Variants in LUZP2 observed in about 807,000 individuals in gnomAD.
LUZP2 encodes the protein leucine zipper protein 2.
In LUZP2, 52 loss-of-function variants were observed where a neutral mutation model predicts 51.6. The observed-to-expected ratio is 1.01, with a 90% confidence interval of 0.81 to 1.27. LUZP2 has a LOEUF of 1.27. Among genes scored for constraint, LUZP2 ranks in the 50% most tolerant of loss-of-function variants. The pLI, the probability that LUZP2 is intolerant of heterozygous loss-of-function variation, is 0.00. For synonymous variants in LUZP2, 154 were observed against 137.3 expected (o/e 1.12, Z -0.85); for missense variants, 436 against 395.4 (o/e 1.10, Z -0.87).
chr11:24,562,006 G>A (rs11028016), intron 1 of LUZP2, among the ~76,000 whole-genome samples: 23,299 of 151,874 alleles, frequency 0.15, 1,960 homozygotes, highest in African/African-American at 0.21. Context: ...TTTGAATTAT[G>A]TGTGGCTGGA....
chr11:24,990,844 A>G (rs1283114628), intron 9 of LUZP2, among the ~76,000 whole-genome samples: 1 of 151,888 alleles, frequency 6.6e-6, no homozygotes, highest in Non-Finnish European at 1.5e-5. Flanking sequence ...CCCAACAACC[A>G]TCACTCATAA....
Position 25,078,638 on chromosome 11 carries a change from A to G in LUZP2, c.1021A>G (p.Arg341Gly). 1 of 1,607,900 alleles carries G rather than the reference A, an allele frequency of 6.2e-7. No individual in the cohort carries two copies. Among genetic ancestry groups the G allele is most frequent in the Non-Finnish European group, 8.5e-7 (1 of 1,178,434 alleles). ...PLTSFEGMAAREEKIL is the reference protein window; with the variant it reads ...PLTSFEGMAAGEEKIL ...GACCAGCTTTGAAGGGATGGCAGCT[A>G]GAGAAGAAAAAATACTGTAAATACT... The change falls in exon 12 of 12, where the codon AGA (arginine) becomes GGA (glycine). Residue 341 changes from arginine to glycine, a missense_variant. Arg to Gly is a moderately radical substitution (Grantham distance 125). Coordinates refer to ENST00000336930, the MANE Select transcript of LUZP2 (RefSeq NM_001009909.4).
chr11:24,681,034 T>G lies in LUZP2; in HGVS notation c.63-48135T>G, dbSNP rs186035934. Among the ~76,000 whole-genome samples, 1,011 of 151,052 alleles carry G rather than the reference T, an allele frequency of 6.7e-3. 3 individuals carry two copies. Among genetic ancestry groups the G allele is most frequent in the Non-Finnish European group, 0.011 (770 of 67,830 alleles). On this transcript the variant is annotated intron_variant, in intron 1 of 11. Transcript: ENST00000336930. ...CTGTCGCCCAGGCCGGACTGCGGACTGCAGTGGCGCAATCTCGGCTCACTG... is the reference window on the plus strand; with the variant it reads ...CTGTCGCCCAGGCCGGACTGCGGACGGCAGTGGCGCAATCTCGGCTCACTG...
chr11:24,584,293 C>A (rs189700646), intron 1 of LUZP2, among the ~76,000 whole-genome samples: 1 of 152,290 alleles, frequency 6.6e-6, no homozygotes, highest in African/African-American at 2.4e-5. Flanking sequence ...ACCCCACCTC[C>A]ACTCCTCCTC....
intron 1 of LUZP2, among the ~76,000 whole-genome samples, chr11:24,546,640 A>C (rs1419057041): frequency 1.3e-5 from 2 of 151,988 alleles, no homozygotes; most frequent in Admixed American, 1.3e-4. Flanking sequence ...ACTGTGGTGA[A>C]TAAGCTTTTG....
intron 1 of LUZP2, among the ~76,000 whole-genome samples, chr11:24,664,551 A>G (rs1214621734): frequency 2.6e-5 from 4 of 152,034 alleles, no homozygotes; most frequent in Non-Finnish European, 5.9e-5. Context: ...CCACTCCATC[A>G]CAGGTCTAAG....
chr11:24,867,334 A>G (rs1851930934), intron 5 of LUZP2, among the ~76,000 whole-genome samples: 1 of 152,042 alleles, frequency 6.6e-6, no homozygotes, highest in Non-Finnish European at 1.5e-5. Context: ...AAATTTTGCT[A>G]TGTTGTTCCT....
At chr11:24,510,835 ACT>A (rs1850287091) in intron 1 of LUZP2, among the ~76,000 whole-genome samples, 1 of 151,978 alleles carries the variant, frequency 6.6e-6, no homozygotes, top group African/African-American at 2.4e-5. Context: ...TTGGCCATTG[ACT>A]CTGTGCTGCT....
At chr11:24,955,250 T>C (rs1030899707) in intron 7 of LUZP2, among the ~76,000 whole-genome samples, 1 of 151,970 alleles carries the variant, frequency 6.6e-6, no homozygotes, top group Non-Finnish European at 1.5e-5. Context: ...TTCATAAAGA[T>C]AGGGATGTTG....
In LUZP2 at chr11:24,569,382, T is replaced by C. The variant is rs1852353147; in HGVS notation, c.62+72077T>C. ...TCTAATGGTTATTTCTGAAATGTTA[T>C]TGTTGATATAAATCACACAAATACC... On this transcript the variant is annotated intron_variant, in intron 1 of 11. Transcript: ENST00000336930. 3.9e-5 allele frequency among the ~76,000 whole-genome samples: 6 copies of C among 152,086 alleles called. No homozygotes were observed. In the South Asian group the frequency reaches 1.2e-3, roughly 31 times the overall value.
intron 5 of LUZP2, among the ~76,000 whole-genome samples, chr11:24,849,429 C>T (rs2716525): frequency 2.6e-5 from 4 of 151,950 alleles, no homozygotes; most frequent in Non-Finnish European, 5.9e-5. Flanking sequence ...TGGTTTCCAG[C>T]TTAATCCATG....
chr11:24,892,523 T>G, intron 5 of LUZP2: 3 of 567,332 alleles, frequency 5.3e-6, no homozygotes, highest in Non-Finnish European at 6.7e-6. Context: ...ATAACTCTAT[T>G]TGTTAATGTT....
chr11:25,076,602 CT>C, intron 10 of LUZP2, among the ~76,000 whole-genome samples: 2 of 85,646 alleles, frequency 2.3e-5, no homozygotes, highest in Admixed American at 3.2e-4. Context: ...GAAGAGGGAA[CT>C]AAGGAAGGAA....
At chr11:25,065,074 A>G (rs941559461) in intron 10 of LUZP2, among the ~76,000 whole-genome samples, 6 of 152,084 alleles carry the variant, frequency 3.9e-5, no homozygotes, top group African/African-American at 7.2e-5. Flanking sequence ...ACAAAACACA[A>G]TTCACTTAGT....
chr11:24,544,643 A>G (rs973750589), intron 1 of LUZP2, among the ~76,000 whole-genome samples: 1 of 152,118 alleles, frequency 6.6e-6, no homozygotes, highest in Non-Finnish European at 1.5e-5. Context: ...GTAGTATTCA[A>G]TGGTGTATAC....
At position 25,003,860 on chromosome 11, in the gene LUZP2, T is replaced by C. The variant is rs114757357; in HGVS notation, c.765+20567T>C. ...CTTTGGCTAATATATCTGTCCCTAA[T>C]AAAGGTGTGGGACTTTCAGGCATAA... is the stretch of plus-strand genomic sequence containing the variant. On this transcript the variant is annotated intron_variant, in intron 9 of 11. Transcript: ENST00000336930. Among the ~76,000 whole-genome samples the C allele has an allele frequency of 6.8e-3, 1,037 of 152,240 alleles. 13 individuals are homozygous for C. Among genetic ancestry groups the C allele is most frequent in the African/African-American group, 0.021 (862 of 41,542 alleles).
intron 4 of LUZP2, among the ~76,000 whole-genome samples, chr11:24,741,325 A>G (rs1242743823): frequency 6.6e-6 from 1 of 152,042 alleles, no homozygotes; most frequent in African/African-American, 2.4e-5. Flanking sequence ...TTTTACTGTT[A>G]TTAAAAACTA....
At chr11:24,509,417 T>C (rs956239448) in intron 1 of LUZP2, among the ~76,000 whole-genome samples, 1 of 150,610 alleles carries the variant, frequency 6.6e-6, no homozygotes, top group African/African-American at 2.4e-5. Context: ...AAGTATATAA[T>C]ATGTACTAGA....
chr11:24,724,963 A>G (rs894732193), intron 1 of LUZP2, among the ~76,000 whole-genome samples: 8 of 152,236 alleles, frequency 5.3e-5, no homozygotes, highest in Non-Finnish European at 7.3e-5. Context: ...TTTCCGTATT[A>G]TAAAAACATA....
Sources: gnomAD v4.1 joint callset for allele counts (sites outside exome capture counted in the v4.1 genomes callset) on GRCh38, gnomAD v4.1.1 for gene constraint, MANE v1.5 for transcripts, NCBI Gene and HGNC (gene_info 2026-07-23, HGNC 2026-07-21) for gene names.